The following ZZEF1 variants were observed in gnomAD, a reference collection of about 807,000 sequenced individuals.
ZZEF1 encodes zinc finger ZZ-type and EF-hand domain-containing protein 1.
Under a neutral mutation model 342.8 loss-of-function variants are expected in ZZEF1, and 157 were observed. That is an observed-to-expected ratio of 0.46 (90% CI 0.40 to 0.52). The LOEUF is 0.52. ZZEF1 is among the 20% of genes least tolerant of loss of function. The pLI, the probability that ZZEF1 is intolerant of heterozygous loss-of-function variation, is 0.00. For synonymous variants in ZZEF1, 1,505 were observed against 1,429.1 expected (o/e 1.05, Z -1.20); for missense variants, 3,480 against 3,725.6 (o/e 0.93, Z 1.72).
Position 4,004,855 on chromosome 17 carries a change from T to C in ZZEF1, c.*2035A>G, listed in dbSNP as rs928560908. The C allele has an allele frequency of 6.6e-6, 1 of 152,174 alleles. No homozygotes were observed. Among genetic ancestry groups the C allele is most frequent in the Non-Finnish European group, 1.5e-5 (1 of 68,046 alleles). 9.4% of individuals were successfully genotyped at this position (152,174 alleles called of 1,614,324 possible). A position where few individuals can be genotyped will look rare whatever the true frequency, so the allele number is the denominator to read the frequency against. On this transcript the variant is annotated 3_prime_UTR_variant, in exon 55 of 55. Transcript: ENST00000381638. The stretch of plus-strand genomic sequence containing the variant: ...GCCGAGCCGGGAGAGCAGCCGCGGG[T>C]GCGAGCGGACTCAGGCTTGTTTCCC...
intron 37 of ZZEF1, among the ~76,000 whole-genome samples, chr17:4,047,669 G>A (rs2056950056): frequency 6.9e-6 from 1 of 145,780 alleles, no homozygotes; most frequent in African/African-American, 2.5e-5. Context: ...GTGGCCGGGC[G>A]CAGTGGCTCA....
intron 4 of ZZEF1, among the ~76,000 whole-genome samples, chr17:4,113,950 C>T (rs775173966): frequency 1.2e-4 from 18 of 148,674 alleles, no homozygotes; most frequent in African/African-American, 4.5e-4. Context: ...GCCTGGGAGA[C>T]AAAAATAAGA....
At chr17:4,087,400 T>C (rs754311067) in intron 14 of ZZEF1, 34 bp downstream of exon 14, 6 of 1,535,080 alleles carry the variant, frequency 3.9e-6, no homozygotes, top group Non-Finnish European at 5.3e-6. Flanking sequence ...TTTCAGTTTA[T>C]GTGCTTATCA....
chr17:4,086,089 C>G (rs1030052552), intron 15 of ZZEF1, among the ~76,000 whole-genome samples: 1 of 152,184 alleles, frequency 6.6e-6, no homozygotes, highest in Non-Finnish European at 1.5e-5. Flanking sequence ...GTGTTTCACT[C>G]CCCCTCAATC....
chr17:4,124,001 G>A lies in ZZEF1; in HGVS notation c.405C>T (p.Asn135=). The A allele has an allele frequency of 6.2e-7, 1 of 1,614,002 alleles. No individual in the cohort carries two copies. The highest frequency in any genetic ancestry group is 8.5e-7 in the Non-Finnish European group (1 of 1,179,982). The change falls in exon 2 of 55, where the codon AAC becomes AAT. Residue 135 remains asparagine, a synonymous_variant. Coordinates refer to ENST00000381638, the MANE Select transcript of ZZEF1 (RefSeq NM_015113.4). The part of the protein sequence containing the change: ...AEGDGTVDAE[N]MLEALKNSSG... ...TGGAATTCTTGAGGGCCTCCAACAT[G>A]TTCTCGGCATCAACTGTCCCATCAC...
At chr17:4,063,496 A>C in intron 29 of ZZEF1, among the ~76,000 whole-genome samples, 1 of 152,272 alleles carries the variant, frequency 6.6e-6, no homozygotes, top group East Asian at 1.9e-4. Context: ...TTCCTTTTAA[A>C]ATTCTAACGG....
At chr17:4,071,423 C>A (rs2057506040) in intron 25 of ZZEF1, 2 of 153,614 alleles carry the variant, frequency 1.3e-5, no homozygotes, top group African/African-American at 2.4e-5. Flanking sequence ...CCTTGACTGT[C>A]ACATTGAGGA....
chr17:4,118,237 G>T (rs1264475582), intron 2 of ZZEF1, among the ~76,000 whole-genome samples: 3 of 152,118 alleles, frequency 2.0e-5, no homozygotes, highest in Non-Finnish European at 4.4e-5. Context: ...GAATGCTGCT[G>T]TGCACACCCA....
chr17:4,077,077 C>T (rs990994843), intron 19 of ZZEF1, 88 bp from the exon 20 acceptor site: 2 of 1,288,702 alleles, frequency 1.6e-6, no homozygotes, highest in African/African-American at 3.0e-5. Flanking sequence ...AAAGAGACTC[C>T]AGAAGCTGCA....
rs1393024974 is a variant in ZZEF1, at chr17:4,082,510, A to G, written c.2647-6T>C. 4 of 1,613,360 alleles carry G rather than the reference A, an allele frequency of 2.5e-6. No homozygotes were observed. The Admixed American group carries it at 6.7e-5, about 27-fold the overall frequency. ...TGCTCCTGCTCGGTGACATTCTTCT[A>G]GAAAACCAGAAATTGTATATTCAGA... On this transcript the variant is annotated splice_region_variant and splice_polypyrimidine_tract_variant and intron_variant, in intron 16 of 54. Coordinates refer to ENST00000381638, the MANE Select transcript of ZZEF1 (RefSeq NM_015113.4).
Position 4,112,273 on chromosome 17 carries a change from G to C in ZZEF1, c.1066+336C>G, listed in dbSNP as rs147960994. On this transcript the variant is annotated intron_variant, in intron 5 of 54. Coordinates refer to ENST00000381638, the MANE Select transcript of ZZEF1 (RefSeq NM_015113.4). ...TGATTCTTCTGCCTTAGCCCCCCAA[G>C]TGGCTGGGATTACAGGTACCCACCC... Among the ~76,000 whole-genome samples, 871 of 150,814 alleles carry C rather than the reference G, an allele frequency of 5.8e-3. 1 individual carries two copies. The highest frequency in any genetic ancestry group is 1.0e-2 in the Non-Finnish European group (674 of 67,648).
rs186930978 is a variant in ZZEF1 at position 4,062,315 on chromosome 17, A to G, written c.4883+438T>C. Among the ~76,000 whole-genome samples, 11 of 151,588 alleles carry G rather than the reference A, an allele frequency of 7.3e-5. No individual in the cohort carries two copies. The East Asian group carries it at 2.1e-3, about 29-fold the overall frequency. On this transcript the variant is annotated intron_variant, in intron 30 of 54. Coordinates refer to ENST00000381638, the MANE Select transcript of ZZEF1 (RefSeq NM_015113.4). ...GTTTTTTACTGTCTCTCTCTCCTCAATATAATATAAAATCTGCCTTGTCTA... is the reference window on the plus strand; with the variant it reads ...GTTTTTTACTGTCTCTCTCTCCTCAGTATAATATAAAATCTGCCTTGTCTA...
intron 15 of ZZEF1, 49 bp from the exon 16 acceptor site, chr17:4,085,852 C>T (rs771219078): frequency 4.4e-6 from 7 of 1,604,642 alleles, no homozygotes; most frequent in Non-Finnish European, 6.0e-6. Context: ...CATCTATTCG[C>T]TTATACATCT....
intron 1 of ZZEF1, among the ~76,000 whole-genome samples, chr17:4,137,713 G>C (rs558077018): frequency 1.9e-4 from 29 of 152,328 alleles, no homozygotes; most frequent in African/African-American, 3.1e-4. Context: ...GTGTACAATG[G>C]TAGTGCAGGC....
chr17:4,077,923 G>A lies in ZZEF1; in HGVS notation c.2949C>T (p.Asp983=). Residue 983 remains aspartate (D), a synonymous_variant, in exon 19 of 55, where the codon GAC becomes GAT. Transcript: ENST00000381638. ...CCACGGCAAGATCTTTGGCTCCAGA[G>A]TCCGTGCTCTTCAGCTGCAGGTAGC... is the stretch of plus-strand genomic sequence containing the variant. ...SWCYLQLKST[D]SGAKDLAVDL... is the part of the protein sequence containing the mutation. The A allele has an allele frequency of 6.2e-7, 1 of 1,614,112 alleles. No homozygotes were observed. Among genetic ancestry groups the A allele is most frequent in the Non-Finnish European group, 8.5e-7 (1 of 1,180,030 alleles).
chr17:4,032,346 G>A (rs1176917592), intron 41 of ZZEF1, 88 bp from the exon 42 acceptor site: 7 of 1,419,560 alleles, frequency 4.9e-6, no homozygotes, highest in Non-Finnish European at 6.7e-6. Context: ...CCCTTTGATT[G>A]TGCCTCTGAT....
chr17:4,101,923 C>T (rs2058133604), intron 9 of ZZEF1, among the ~76,000 whole-genome samples: 1 of 152,134 alleles, frequency 6.6e-6, no homozygotes, highest in Non-Finnish European at 1.5e-5. Context: ...AGCCACTGCA[C>T]CCGGCCTGGA....
chr17:4,049,945 T>TAGAATAATAAATA (rs1419164915), intron 36 of ZZEF1, 86 bp from the exon 37 acceptor site: 17 of 1,476,970 alleles, frequency 1.2e-5, no homozygotes, highest in African/African-American at 8.5e-5. Flanking sequence ...TTTGCCATTA[T>TAGAATAATAAATA]ATAGAAATAA....
intron 41 of ZZEF1, among the ~76,000 whole-genome samples, 180 bp from the exon 42 acceptor site, chr17:4,032,438 G>A (rs2056569344): frequency 6.6e-6 from 1 of 152,200 alleles, no homozygotes; most frequent in Admixed American, 6.5e-5. Context: ...ATTGGTTTAA[G>A]TCCTTGCTGG....
Sources: allele counts gnomAD v4.1 joint callset (sites outside exome capture counted in the v4.1 genomes callset), GRCh38; gene constraint gnomAD v4.1.1; transcripts MANE v1.5; gene names NCBI Gene and HGNC (gene_info 2026-07-23, HGNC 2026-07-21).